The following DNASE2B variants were observed in gnomAD, a reference collection of about 807,000 sequenced individuals.
DNASE2B encodes the protein deoxyribonuclease 2 beta.
A neutral mutation model predicts 46.0 loss-of-function variants in DNASE2B; 43 were observed. The observed-to-expected ratio is 0.94, with a 90% CI of 0.73 to 1.21. The LOEUF (loss-of-function observed/expected upper bound fraction) is 1.21, where lower values mean the gene tolerates loss of function less well. DNASE2B is among the 50% of genes most tolerant of loss of function. The pLI, the probability that DNASE2B is intolerant of heterozygous loss-of-function variation, is 0.00. For synonymous variants in DNASE2B, 156 were observed against 152.5 expected (o/e 1.02, Z -0.17); for missense variants, 395 against 414.4 (o/e 0.95, Z 0.41).
intron 2 of DNASE2B, among the ~76,000 whole-genome samples, chr1:84,406,784 T>C (rs1204981945): frequency 6.6e-6 from 1 of 152,180 alleles, no homozygotes; most frequent in Non-Finnish European, 1.5e-5. Context: ...TGACCTGGAA[T>C]TGAACCTCTG....
Position 84,398,575 on chromosome 1 carries a change from A to G in DNASE2B, c.11A>G (p.Lys4Arg), listed in dbSNP as rs1202993820. 1 of 1,613,766 alleles carries G rather than the reference A, an allele frequency of 6.2e-7. No individual in the cohort carries two copies. The highest frequency in any genetic ancestry group is 8.5e-7 in the Non-Finnish European group (1 of 1,179,744). The change falls in exon 1 of 6, where the codon AAA becomes AGA. Residue 4 changes from lysine to arginine, a missense_variant. Coordinates refer to ENST00000370665, the MANE Select transcript of DNASE2B (RefSeq NM_021233.3). ...TGTGGCATGAAATAAATGAAACAGA[A>G]AATGATGGCAAGACTGCTAAGAACA... The part of the protein sequence containing the change: MKQ[K>R]MMARLLRTSF...
At chr1:84,414,181 T>C (rs1680650299) in intron 5 of DNASE2B, among the ~76,000 whole-genome samples, 1 of 152,226 alleles carries the variant, frequency 6.6e-6, no homozygotes. Context: ...CACTTTGGCA[T>C]GATTTACAAA....
Position 84,412,419 on chromosome 1 carries a change from C to A in DNASE2B, c.618C>A (p.Leu206=), listed in dbSNP as rs1680614809. Residue 206 remains leucine, a synonymous_variant, in exon 5 of 6, where the codon CTC becomes CTA. Transcript: ENST00000370665. ...TCCCAGCCACCTTTCACCAGGAGCT[C>A]ATTCACATGCCCCAGCTGTGCACCA... ...CSIPATFHQE[L]IHMPQLCTRA... 1 of 1,613,412 alleles carries A rather than the reference C, an allele frequency of 6.2e-7. No homozygotes were observed. Among genetic ancestry groups the A allele is most frequent in the Admixed American group, 1.7e-5 (1 of 59,976 alleles).
rs368268321 is a variant in DNASE2B at position 84,410,908 on chromosome 1, G to A, written c.456G>A (p.Pro152=). 3.7e-5 allele frequency: 60 copies of A among 1,613,030 alleles called. No individual in the cohort carries two copies. The highest frequency in any genetic ancestry group is 2.9e-4 in the East Asian group (13 of 44,860). The change falls in exon 4 of 6, where the codon CCG becomes CCA. Residue 152 remains proline, a synonymous_variant. Transcript: ENST00000370665. ...IHSIPQFPPI[P]EEGYDYPPTG... ...CCATCCCTCAGTTTCCTCCAATTCC[G>A]GAAGAAGGCTATGATTATCCACCCA...
Position 84,401,896 on chromosome 1 carries a change from G to C in DNASE2B, c.126-5G>C. Reference sequence around the variant, plus strand: ...TTAGTAATTCATAATCATTTTGTCTGTTAGGTTTACTTTTTATAAGTTACC... The same window carrying C: ...TTAGTAATTCATAATCATTTTGTCTCTTAGGTTTACTTTTTATAAGTTACC... On this transcript the variant is annotated splice_region_variant and splice_polypyrimidine_tract_variant and intron_variant, in intron 1 of 5. Transcript: ENST00000370665. 6.7e-7 allele frequency: 1 copy of C among 1,491,958 alleles called. No individual in the cohort carries two copies. The highest frequency in any genetic ancestry group is 8.9e-7 in the Non-Finnish European group (1 of 1,124,882). The allele number at this position is 1,491,958 out of a possible 1,614,324, so 92.4% of individuals were successfully genotyped here.
intron 1 of DNASE2B, 57 bp from the exon 2 acceptor site, chr1:84,401,844 C>T (rs1680424989): frequency 7.7e-7 from 1 of 1,306,394 alleles, no homozygotes; most frequent in African/African-American, 1.5e-5. Context: ...AATACAGTTA[C>T]TGCCACAGGA....
rs1442761589 is a variant in DNASE2B, at chr1:84,398,692, A to G, written c.125+3A>G. On this transcript the variant is annotated splice_donor_region_variant and intron_variant, in intron 1 of 5. Transcript: ENST00000370665. ...GAAGAAGGGAAAGCTGTGGACTGGTAGGTAAATGAAATGGAAGGACTGCTG... is the reference window on the plus strand; with the variant it reads ...GAAGAAGGGAAAGCTGTGGACTGGTGGGTAAATGAAATGGAAGGACTGCTG... 6.2e-7 allele frequency: 1 copy of G among 1,613,616 alleles called. No individual in the cohort carries two copies. Among genetic ancestry groups the G allele is most frequent in the South Asian group, 1.1e-5 (1 of 91,024 alleles).
chr1:84,404,233 T>G (rs901646967), intron 2 of DNASE2B, among the ~76,000 whole-genome samples: 2 of 152,172 alleles, frequency 1.3e-5, no homozygotes, highest in Non-Finnish European at 2.9e-5. Flanking sequence ...ATTTCTCTAG[T>G]GTGGTGTCTA....
Position 84,414,842 on chromosome 1 carries a change from G to C in DNASE2B, c.1060G>C (p.Val354Leu). 3 of 1,612,566 alleles carry C rather than the reference G, an allele frequency of 1.9e-6. No individual in the cohort carries two copies. The highest frequency in any genetic ancestry group is 1.7e-6 in the Non-Finnish European group (2 of 1,178,910). Residue 354 changes from valine to leucine, a missense_variant, in exon 6 of 6, where the codon GTA becomes CTA. Val to Leu is a conservative substitution (Grantham distance 32, BLOSUM62 1). Coordinates refer to ENST00000370665, the MANE Select transcript of DNASE2B (RefSeq NM_021233.3). The stretch of plus-strand genomic sequence containing the variant: ...AATTTACCAAGCATTTCAAGGATTA[G>C]TATTATACTATGAAAGCTGTAAGTA... ...WQIYQAFQGL[V>L]LYYESCK
intron 5 of DNASE2B, 72 bp downstream of exon 5, chr1:84,412,618 A>G: frequency 7.6e-7 from 1 of 1,308,492 alleles, no homozygotes; most frequent in Non-Finnish European, 1.0e-6. Flanking sequence ...AGCTTAGAGA[A>G]ATATTTTGAG....
intron 2 of DNASE2B, among the ~76,000 whole-genome samples, chr1:84,406,002 G>A (rs377365428): frequency 6.6e-6 from 1 of 151,872 alleles, no homozygotes; most frequent in African/African-American, 2.4e-5. Context: ...TATATTGTAT[G>A]CATTCATAAT....
At position 84,414,838 on chromosome 1, in the gene DNASE2B, A is replaced by T; in HGVS notation, c.1056A>T (p.Gly352=). The change falls in exon 6 of 6, where the codon GGA becomes GGT. Residue 352 remains glycine (G), a synonymous_variant. Coordinates refer to ENST00000370665, the MANE Select transcript of DNASE2B (RefSeq NM_021233.3). ...QNWQIYQAFQ[G]LVLYYESCK The stretch of plus-strand genomic sequence containing the variant: ...GGCAAATTTACCAAGCATTTCAAGG[A>T]TTAGTATTATACTATGAAAGCTGTA... 1 of 1,614,106 alleles carries T rather than the reference A, an allele frequency of 6.2e-7. No individual in the cohort carries two copies. Among genetic ancestry groups the T allele is most frequent in the Non-Finnish European group, 8.5e-7 (1 of 1,179,976 alleles).
At chr1:84,411,467 T>TCA (rs1570306668) in intron 4 of DNASE2B, among the ~76,000 whole-genome samples, 57 of 52,646 alleles carry the variant, frequency 1.1e-3, no homozygotes, top group African/African-American at 4.1e-3. Context: ...TGTGTGTGTG[T>TCA]GTGTGTGTGT....
Position 84,414,771 on chromosome 1 carries a change from A to G in DNASE2B, c.989A>G (p.His330Arg). 1.9e-6 allele frequency: 3 copies of G among 1,614,196 alleles called. No homozygotes were observed. The highest frequency in any genetic ancestry group is 1.6e-4 in the Middle Eastern group (1 of 6,062). ...ATTGGAGACCTAAATCGGAGTCCAC[A>G]CCAAGCCTTCAGAAGTGGAGGATTC... Reference protein sequence around the residue: ...TCIGDLNRSPHQAFRSGGFIC... With the variant: ...TCIGDLNRSPRQAFRSGGFIC... Residue 330 changes from histidine to arginine, a missense_variant, in exon 6 of 6, where the codon CAC (histidine) becomes CGC (arginine). Coordinates refer to ENST00000370665, the MANE Select transcript of DNASE2B (RefSeq NM_021233.3).
intron 2 of DNASE2B, among the ~76,000 whole-genome samples, chr1:84,407,045 C>T (rs963553613): frequency 1.3e-5 from 2 of 152,170 alleles, no homozygotes; most frequent in Admixed American, 6.5e-5. Flanking sequence ...CAATACTGAA[C>T]ATATGTGTTA....
At chr1:84,413,525 G>A (rs747113655) in intron 5 of DNASE2B, among the ~76,000 whole-genome samples, 5 of 152,144 alleles carry the variant, frequency 3.3e-5, no homozygotes, top group Non-Finnish European at 7.3e-5. Flanking sequence ...CACTGATTTT[G>A]GGGAACACGC....
chr1:84,403,813 G>T (rs1207700163), intron 2 of DNASE2B, among the ~76,000 whole-genome samples: 1 of 151,888 alleles, frequency 6.6e-6, no homozygotes, highest in Non-Finnish European at 1.5e-5. Flanking sequence ...TTTGAGACAG[G>T]ATCTCATTCG....
chr1:84,411,432 GTGTGTGTGT>G (rs1680591713), intron 4 of DNASE2B, among the ~76,000 whole-genome samples: 1 of 534 alleles, frequency 1.9e-3, no homozygotes, highest in Non-Finnish European at 8.6e-3. Flanking sequence ...TAGGGTGTGT[GTGTGTGTGT>G]GTGTGTGTGT....
At chr1:84,401,818 A>C in intron 1 of DNASE2B, 83 bp from the exon 2 acceptor site, 1 of 1,045,540 alleles carries the variant, frequency 9.6e-7, no homozygotes, top group Non-Finnish European at 1.3e-6. Flanking sequence ...GAAATGAGAG[A>C]TATATTAAAG....
Sources: gnomAD v4.1 joint callset for allele counts (sites outside exome capture counted in the v4.1 genomes callset) on GRCh38, gnomAD v4.1.1 for gene constraint, MANE v1.5 for transcripts, NCBI Gene and HGNC (gene_info 2026-07-23, HGNC 2026-07-21) for gene names.